SEC62: variants seen among roughly 807,000 people sequenced by gnomAD.
SEC62 encodes the protein translocation protein SEC62.
A neutral mutation model predicts 47.5 loss-of-function variants in SEC62; 10 were observed. The observed-to-expected ratio is 0.21, with a 90% CI of 0.13 to 0.36. The LOEUF (loss-of-function observed/expected upper bound fraction) is 0.36. Ranked by LOEUF, SEC62 falls within the 10% of genes least tolerant of loss-of-function variation. The probability of loss-of-function intolerance (pLI) is 1.00; values close to 1 mark genes in which losing one functional copy is unlikely to be tolerated. For synonymous variants in SEC62, 136 were observed against 150.5 expected, an observed-to-expected ratio of 0.90 and a Z score of 0.71; for missense variants, 327 against 464.1, an observed-to-expected ratio of 0.70 and a Z score of 2.71.
chr3:169,973,282 G>C (rs1714746410), intron 1 of SEC62, among the ~76,000 whole-genome samples: 1 of 152,062 alleles, frequency 6.6e-6, no homozygotes, highest in African/African-American at 2.4e-5. Flanking sequence ...AGTATATTTT[G>C]CAGTCAGGCC....
intron 4 of SEC62, 109 bp downstream of exon 4, chr3:169,983,020 A>G (rs1715019186): frequency 1.3e-6 from 2 of 1,484,726 alleles, no homozygotes; most frequent in East Asian, 2.3e-5. Context: ...TGAGATAACT[A>G]TATTAGAGTT....
intron 7 of SEC62, among the ~76,000 whole-genome samples, chr3:169,988,594 CAG>C (rs1427553900): frequency 4.6e-5 from 7 of 151,982 alleles, no homozygotes; most frequent in East Asian, 1.9e-4. Flanking sequence ...TTTTTATTGA[CAG>C]ATCATAATTG....
chr3:169,966,852 G>A lies in SEC62; in HGVS notation c.30G>A (p.Arg10=). 2 of 1,556,346 alleles carry A rather than the reference G, an allele frequency of 1.3e-6. No homozygotes were observed. Among genetic ancestry groups the A allele is most frequent in the Non-Finnish European group, 1.7e-6 (2 of 1,149,738 alleles). ...CGGAACGCAGGAGACACAAGAAGCG[G>A]ATCCAGGTAGCAAAGCCGAGCTCTG... MAERRRHKK[R]IQEVGEPSKE... Residue 10 remains arginine, a synonymous_variant, in exon 1 of 8, where the codon CGG becomes CGA. Coordinates refer to ENST00000337002, the MANE Select transcript of SEC62 (RefSeq NM_003262.4).
At chr3:169,975,785 T>A in intron 2 of SEC62, 69 bp downstream of exon 2, 1 of 1,089,108 alleles carries the variant, frequency 9.2e-7, no homozygotes, top group Non-Finnish European at 1.4e-6. Context: ...TTGGGATATG[T>A]AGAAGTTTTA....
At chr3:169,975,086 C>T (rs1714800309) in intron 1 of SEC62, among the ~76,000 whole-genome samples, 1 of 151,928 alleles carries the variant, frequency 6.6e-6, no homozygotes, top group South Asian at 2.1e-4. Context: ...TTCAAGACCA[C>T]CCTAGCCAAC....
rs1483730884 is a variant in SEC62, at chr3:169,994,929, C to T, written c.*1866C>T. ...TCTTACTGATGTGTGTGGATTCTTA[C>T]AGAATGTTAGTACAAATTTTTATAA... On this transcript the variant is annotated 3_prime_UTR_variant, in exon 8 of 8. Transcript: ENST00000337002. 1 of 152,122 alleles carries T rather than the reference C, an allele frequency of 6.6e-6. No homozygotes were observed. The highest frequency in any genetic ancestry group is 2.4e-5 in the African/African-American group (1 of 41,418). The allele number at this position is 152,122 out of a possible 1,614,324, so 9.4% of individuals were successfully genotyped here.
At chr3:169,988,789 G>A (rs865846731) in intron 7 of SEC62, among the ~76,000 whole-genome samples, 26 of 152,182 alleles carry the variant, frequency 1.7e-4, no homozygotes, top group Middle Eastern at 3.4e-3. Context: ...TCTGCAAATA[G>A]ATGTGCTTTA....
chr3:169,985,499 C>T (rs549271020), intron 5 of SEC62: 1 of 183,156 alleles, frequency 5.5e-6, no homozygotes, highest in South Asian at 1.5e-4. Flanking sequence ...GCCTTGGCCT[C>T]CAAAGTGCTG....
At position 169,988,465 on chromosome 3, in the gene SEC62, C is replaced by A. The variant is rs1715160437; in HGVS notation, c.730+106C>A. On this transcript the variant is annotated intron_variant, in intron 7 of 7. Coordinates refer to ENST00000337002, the MANE Select transcript of SEC62 (RefSeq NM_003262.4). Reference sequence around the variant, plus strand: ...TTAAGAAAAATTAATGGAGGTAAATCAAGAAATATATGGTACTACTTTCTG... The same window carrying A: ...TTAAGAAAAATTAATGGAGGTAAATAAAGAAATATATGGTACTACTTTCTG... 40 of 1,231,024 alleles carry A rather than the reference C, an allele frequency of 3.2e-5. 1 individual carries two copies. The South Asian group carries it at 5.4e-4, about 17-fold the overall frequency. 76.3% of individuals were successfully genotyped at this position (1,231,024 alleles called of 1,614,324 possible). A position where few individuals can be genotyped will look rare whatever the true frequency, so the allele number is the denominator to read the frequency against.
In SEC62 at chr3:169,975,662, A is replaced by C. The variant is rs759646862; in HGVS notation, c.91A>C (p.Asn31His). The part of the protein sequence containing the change: ...EKAVAKYLRF[N>H]CPTKSTNMMG... Reference sequence around the variant, plus strand: ...GGCTGTGGCCAAGTATCTTCGATTCAACTGTCCAACAAAGTCCACCAATAT... The same window carrying C: ...GGCTGTGGCCAAGTATCTTCGATTCCACTGTCCAACAAAGTCCACCAATAT... Residue 31 changes from asparagine (N) to histidine (H), a missense_variant, in exon 2 of 8, where the codon AAC becomes CAC. Physicochemically the swap from Asn to His is moderately conservative, Grantham distance 68. This residue lies in a region of SEC62 where 126 missense variants were observed against 161.2 expected (regional missense o/e 0.78). Transcript: ENST00000337002. 1.2e-6 allele frequency: 2 copies of C among 1,613,858 alleles called. No homozygotes were observed. The highest frequency in any genetic ancestry group is 2.2e-5 in the South Asian group (2 of 91,088).
At chr3:169,985,901 T>C (rs1047832373) in intron 6 of SEC62, 36 bp downstream of exon 6, 3 of 1,477,732 alleles carry the variant, frequency 2.0e-6, no homozygotes, top group Non-Finnish European at 2.8e-6. Context: ...TAAAGTGCAA[T>C]CTAAAATTTA....
At chr3:169,970,372 G>A (rs1187010647) in intron 1 of SEC62, among the ~76,000 whole-genome samples, 1 of 152,000 alleles carries the variant, frequency 6.6e-6, no homozygotes, top group African/African-American at 2.4e-5. Context: ...TCAGTTCATG[G>A]TTGACAGATC....
Position 169,993,047 on chromosome 3 carries a change from C to T in SEC62, c.1184C>T (p.Ser395Leu). The T allele has an allele frequency of 6.3e-7, 1 of 1,599,384 alleles. No individual in the cohort carries two copies. Among genetic ancestry groups the T allele is most frequent in the Middle Eastern group, 1.7e-4 (1 of 5,996 alleles). ...AATGATGGAGAAACACCTAAATCTT[C>T]ACATGAAAAATCATAATCTGACTAA... ...EENDGETPKS[S>L]HEKS Residue 395 changes from serine to leucine, a missense_variant, in exon 8 of 8, where the codon TCA (serine) becomes TTA (leucine). Physicochemically the swap from Ser to Leu is moderately radical, Grantham distance 145. Around this residue, in one of 3 missense-constraint regions of SEC62, gnomAD observed 102 missense variants for 108.8 expected, o/e 0.94. Coordinates refer to ENST00000337002, the MANE Select transcript of SEC62 (RefSeq NM_003262.4).
At chr3:169,971,225 A>G (rs2108279476) in intron 1 of SEC62, among the ~76,000 whole-genome samples, 1 of 151,962 alleles carries the variant, frequency 6.6e-6, no homozygotes, top group East Asian at 1.9e-4. Context: ...TGTGTGCACC[A>G]CCTCACCTAG....
rs545771786 is a variant in SEC62, at chr3:169,975,743, T to G, written c.145+27T>G. The G allele has an allele frequency of 3.5e-6, 5 of 1,438,488 alleles. No individual in the cohort carries two copies. The East Asian group carries it at 9.1e-5, about 26-fold the overall frequency. The allele number at this position is 1,438,488 out of a possible 1,614,324, so 89.1% of individuals were successfully genotyped here. ...TAGGATTATATCAGTAAAATCGTAT[T>G]AGTGTACATATGTTATGAAGTTAAC... On this transcript the variant is annotated intron_variant, in intron 2 of 7. Transcript: ENST00000337002.
intron 1 of SEC62, among the ~76,000 whole-genome samples, chr3:169,971,230 A>G (rs188902237): frequency 6.6e-6 from 1 of 152,036 alleles, no homozygotes; most frequent in East Asian, 1.9e-4. Context: ...GCACCACCTC[A>G]CCTAGCTAAT....
At chr3:169,979,845 A>G (rs76499402) in intron 3 of SEC62, among the ~76,000 whole-genome samples, 7,723 of 152,246 alleles carry the variant, frequency 0.051, 677 homozygotes, top group African/African-American at 0.18. Context: ...TCTGAAAACA[A>G]TTGTAAGACT....
rs2108291148 is a variant in SEC62 at position 169,995,370 on chromosome 3, GTA to G, written c.*2309_*2310del. 6.6e-6 allele frequency: 1 copy of G among 152,248 alleles called. No homozygotes were observed. The highest frequency in any genetic ancestry group is 2.4e-5 in the African/African-American group (1 of 41,570). The allele number at this position is 152,248 out of a possible 1,614,324, so 9.4% of individuals were successfully genotyped here. ...ATATGTGATTGTTCTTAAAGTCAAT[GTA>G]TTAAATAAGGTATTTTTCCTTTTCC... On this transcript the variant is annotated 3_prime_UTR_variant, in exon 8 of 8. Transcript: ENST00000337002.
At chr3:169,987,702 C>CA (rs1294994418) in intron 6 of SEC62, among the ~76,000 whole-genome samples, 3 of 152,024 alleles carry the variant, frequency 2.0e-5, no homozygotes, top group African/African-American at 7.2e-5. Context: ...ACTTTACTTG[C>CA]AAAAAAACTG....
Sources: gnomAD v4.1 joint callset for allele counts (sites outside exome capture counted in the v4.1 genomes callset) on GRCh38, gnomAD v4.1.1 for gene constraint, gnomAD v4.1.1 regional missense constraint, MANE v1.5 for transcripts, NCBI Gene and HGNC (gene_info 2026-07-23, HGNC 2026-07-21) for gene names.